TAFA1: variants seen among roughly 807,000 people sequenced by gnomAD.
TAFA1 encodes the protein chemokine-like protein TAFA-1.
TAFA1 carries 4 observed loss-of-function variants against 18.5 expected under a neutral mutation model. The ratio of observed to expected loss-of-function variants is 0.22; its 90% CI spans 0.11 to 0.49. The LOEUF (loss-of-function observed/expected upper bound fraction) is 0.49, where lower values mean the gene tolerates loss of function less well. Among genes scored for constraint, TAFA1 ranks in the 20% least tolerant of loss-of-function variants. TAFA1 has a pLI of 0.98. For synonymous variants in TAFA1, 56 were observed against 55.2 expected (o/e 1.01, Z -0.06); for missense variants, 147 against 169.0 (o/e 0.87, Z 0.72).
intron 2 of TAFA1, among the ~76,000 whole-genome samples, chr3:68,234,311 G>A (rs962127686): frequency 2.6e-5 from 4 of 152,152 alleles, no homozygotes; most frequent in African/African-American, 9.7e-5. Context: ...TCAGAGGGAA[G>A]TTGCTTCTAT....
intron 2 of TAFA1, among the ~76,000 whole-genome samples, chr3:68,074,130 A>G (rs1236859595): frequency 2.0e-5 from 3 of 152,196 alleles, no homozygotes; most frequent in African/African-American, 7.2e-5. Context: ...TACGGATTGC[A>G]CAATCTAGAT....
intron 2 of TAFA1, among the ~76,000 whole-genome samples, chr3:68,356,516 A>G (rs1026239857): frequency 1.3e-5 from 2 of 151,856 alleles, no homozygotes; most frequent in African/African-American, 4.8e-5. Context: ...TTCCAAAATC[A>G]ATAGCTACCC....
intron 2 of TAFA1, among the ~76,000 whole-genome samples, chr3:68,100,216 G>T (rs1267442961): frequency 6.6e-6 from 1 of 152,190 alleles, no homozygotes; most frequent in Admixed American, 6.5e-5. Context: ...CAGGCACAGT[G>T]GTTCATGCCT....
chr3:68,452,910 C>A (rs1397248), intron 3 of TAFA1, among the ~76,000 whole-genome samples: 1 of 152,160 alleles, frequency 6.6e-6, no homozygotes, highest in South Asian at 2.1e-4. Flanking sequence ...TCAATCGATT[C>A]TGAATATCCC....
Position 68,544,499 on chromosome 3 carries a change from C to T in TAFA1, c.398C>T (p.Thr133Ile). The T allele has an allele frequency of 6.2e-7, 1 of 1,612,498 alleles. No individual in the cohort carries two copies. The highest frequency in any genetic ancestry group is 1.1e-5 in the South Asian group (1 of 91,004). ...KIKTTRIHPR[T>I] ...CTTTGGTTTCAGATTCACCCAAGAA[C>T]CTAACAGAAGCATTTGTGGTAGTAA... Residue 133 changes from threonine (T) to isoleucine (I), a missense_variant, in exon 5 of 5, where the codon ACC becomes ATC. Coordinates refer to ENST00000478136, the MANE Select transcript of TAFA1 (RefSeq NM_213609.4).
intron 3 of TAFA1, among the ~76,000 whole-genome samples, chr3:68,437,354 C>G (rs574822754): frequency 6.6e-6 from 1 of 152,224 alleles, no homozygotes; most frequent in South Asian, 2.1e-4. Flanking sequence ...TGTATTAGTC[C>G]ATTTTCTTAT....
At chr3:68,510,827 G>C (rs116298454) in intron 3 of TAFA1, among the ~76,000 whole-genome samples, 2,218 of 151,952 alleles carry the variant, frequency 0.015, 67 homozygotes, top group African/African-American at 0.05. Context: ...ATGCAAGAAG[G>C]TGACAGGTTT....
intron 2 of TAFA1, among the ~76,000 whole-genome samples, chr3:68,323,501 G>A (rs1559617152): frequency 6.6e-6 from 1 of 152,204 alleles, no homozygotes; most frequent in Non-Finnish European, 1.5e-5. Flanking sequence ...GTCAGTGATT[G>A]ACAATTCTCT....
At chr3:68,334,504 G>A (rs1436011073) in intron 2 of TAFA1, among the ~76,000 whole-genome samples, 1 of 152,134 alleles carries the variant, frequency 6.6e-6, no homozygotes, top group Non-Finnish European at 1.5e-5. Context: ...GTATAAGTCA[G>A]GATAGACTCT....
chr3:68,253,630 A>G (rs2067238650), intron 2 of TAFA1, among the ~76,000 whole-genome samples: 1 of 152,162 alleles, frequency 6.6e-6, no homozygotes, highest in Non-Finnish European at 1.5e-5. Flanking sequence ...ATGGCAGGTG[A>G]TGATTGGGTT....
chr3:68,207,998 G>A (rs1195571165), intron 2 of TAFA1, among the ~76,000 whole-genome samples: 2 of 151,866 alleles, frequency 1.3e-5, no homozygotes, highest in Non-Finnish European at 2.9e-5. Context: ...CAGAGACTTA[G>A]AAACAGGAAG....
chr3:68,362,899 A>C (rs772279190), intron 2 of TAFA1, among the ~76,000 whole-genome samples: 1 of 151,026 alleles, frequency 6.6e-6, no homozygotes, highest in Non-Finnish European at 1.5e-5. Context: ...ATGAGAATAT[A>C]AACAGTTTTA....
intron 2 of TAFA1, among the ~76,000 whole-genome samples, chr3:68,166,369 A>C (rs1464531953): frequency 6.6e-6 from 1 of 152,044 alleles, no homozygotes; most frequent in East Asian, 1.9e-4. Flanking sequence ...CTCACTTGTC[A>C]GGCAGTCTAT....
chr3:68,058,830 A>G (rs2064566539), intron 2 of TAFA1, among the ~76,000 whole-genome samples: 1 of 152,148 alleles, frequency 6.6e-6, no homozygotes, highest in African/African-American at 2.4e-5. Context: ...AACGTTTTCT[A>G]TGGCTGCTGT....
intron 2 of TAFA1, among the ~76,000 whole-genome samples, chr3:68,059,595 G>A (rs1166684438): frequency 2.0e-5 from 3 of 152,144 alleles, no homozygotes; most frequent in African/African-American, 4.8e-5. Flanking sequence ...ATGCAGGTAA[G>A]GGACCACAGC....
intron 3 of TAFA1, among the ~76,000 whole-genome samples, chr3:68,536,535 C>A (rs2073281183): frequency 6.6e-6 from 1 of 152,108 alleles, no homozygotes; most frequent in Non-Finnish European, 1.5e-5. Context: ...ACCTGGCTGA[C>A]ATTTTGAGGA....
chr3:68,499,432 T>G (rs1395960719), intron 3 of TAFA1, among the ~76,000 whole-genome samples: 3 of 137,758 alleles, frequency 2.2e-5, no homozygotes, highest in Non-Finnish European at 4.6e-5. Context: ...TTTTCTTTCT[T>G]TCTGTGTTCC....
chr3:68,104,914 A>G (rs2065187612), intron 2 of TAFA1, among the ~76,000 whole-genome samples: 1 of 152,134 alleles, frequency 6.6e-6, no homozygotes, highest in Non-Finnish European at 1.5e-5. Context: ...TGGGTAATTT[A>G]TAAAGAAAAG....
chr3:68,277,309 G>T (rs2067815475), intron 2 of TAFA1, among the ~76,000 whole-genome samples: 1 of 152,142 alleles, frequency 6.6e-6, no homozygotes. Flanking sequence ...ATTTGCATAA[G>T]AAATTTGAAA....
Sources: gnomAD v4.1 joint callset for allele counts (sites outside exome capture counted in the v4.1 genomes callset) on GRCh38, gnomAD v4.1.1 for gene constraint, MANE v1.5 for transcripts, NCBI Gene and HGNC (gene_info 2026-07-23, HGNC 2026-07-21) for gene names.